QSOX1: variants seen among roughly 807,000 people sequenced by gnomAD.
The protein encoded by QSOX1 is sulfhydryl oxidase 1.
QSOX1 carries 40 observed loss-of-function variants against 76.1 expected under a neutral mutation model. The observed-to-expected ratio is 0.53, with a 90% CI of 0.41 to 0.68. The LOEUF (loss-of-function observed/expected upper bound fraction) is 0.68, where lower values mean the gene tolerates loss of function less well. Ranked by LOEUF, QSOX1 falls within the 30% of genes least tolerant of loss-of-function variation. The pLI is 0.00. For missense variants in QSOX1, 931 were observed against 974.3 expected (o/e 0.96, Z 0.59); for synonymous variants, 392 against 413.1 (o/e 0.95, Z 0.62).
intron 4 of QSOX1, 40 bp from the exon 5 acceptor site, chr1:180,178,754 G>C (rs748832009): frequency 8.0e-5 from 126 of 1,576,548 alleles, no homozygotes; most frequent in Non-Finnish European, 1.0e-4. Flanking sequence ...TCTTATTTCT[G>C]CTGGCTGTGC....
In QSOX1 at chr1:180,194,329, A is replaced by C. The variant is rs1663403967; in HGVS notation, c.1405A>C (p.Ser469Arg). 6.2e-7 allele frequency: 1 copy of C among 1,608,830 alleles called. No homozygotes were observed. Among genetic ancestry groups the C allele is most frequent in the African/African-American group, 1.3e-5 (1 of 74,954 alleles). ...TGCTGCCTCCATGCACCGGGTGGGGAGTCCCAACGCCGCTGTCCTCTGGCT... is the reference window on the plus strand; with the variant it reads ...TGCTGCCTCCATGCACCGGGTGGGGCGTCCCAACGCCGCTGTCCTCTGGCT... ...MAAASMHRVG[S>R]PNAAVLWLWS... The change falls in exon 11 of 12, where the codon AGT becomes CGT. Residue 469 changes from serine (S) to arginine (R), a missense_variant. Coordinates refer to ENST00000367602, the MANE Select transcript of QSOX1 (RefSeq NM_002826.5).
chr1:180,203,698 A>G lies in QSOX1; in HGVS notation c.*6661A>G, dbSNP rs1490516218. ...GGAGTCATTCATGCTAAATGAAACT[A>G]GTTAGGAGTATATTCATATAACAAG... On this transcript the variant is annotated 3_prime_UTR_variant, in exon 12 of 12. Coordinates refer to ENST00000367602, the MANE Select transcript of QSOX1 (RefSeq NM_002826.5). 1 of 152,244 alleles carries G rather than the reference A, an allele frequency of 6.6e-6. No homozygotes were observed. The highest frequency in any genetic ancestry group is 1.5e-5 in the Non-Finnish European group (1 of 68,042). The allele number at this position is 152,244 out of a possible 1,614,324, so 9.4% of individuals were successfully genotyped here.
At chr1:180,191,552 G>A (rs920004490) in intron 10 of QSOX1, among the ~76,000 whole-genome samples, 13 of 152,252 alleles carry the variant, frequency 8.5e-5, no homozygotes, top group African/African-American at 2.4e-4. Context: ...TGCAGGTGCC[G>A]GGGACACAGC....
At position 180,171,895 on chromosome 1, in the gene QSOX1, G is replaced by A. The variant is rs3767186; in HGVS notation, c.367-3426G>A. Among the ~76,000 whole-genome samples the A allele has an allele frequency of 0.022, 3,394 of 152,266 alleles. 189 individuals are homozygous for A. The East Asian group carries it at 0.23, about 10-fold the overall frequency. On this transcript the variant is annotated intron_variant, in intron 2 of 11. Coordinates refer to ENST00000367602, the MANE Select transcript of QSOX1 (RefSeq NM_002826.5). ...GTGGCACGAAAGTTGACAAATGCTC[G>A]CCATGGGAAGACAAAGCAGGCAGTA...
chr1:180,181,462 T>C (rs921251702), intron 5 of QSOX1, among the ~76,000 whole-genome samples: 2 of 152,188 alleles, frequency 1.3e-5, no homozygotes, highest in Non-Finnish European at 2.9e-5. Context: ...CTATACACAT[T>C]GACCAAAGGG....
intron 2 of QSOX1, 26 bp downstream of exon 2, chr1:180,166,617 C>T (rs1399122943): frequency 3.8e-6 from 6 of 1,593,948 alleles, no homozygotes; most frequent in Non-Finnish European, 5.1e-6. Context: ...GAGGGGAAGG[C>T]AGGCTGGGCC....
Position 180,184,050 on chromosome 1 carries a change from G to A in QSOX1, c.887G>A (p.Arg296His). 6.2e-7 allele frequency: 1 copy of A among 1,614,034 alleles called. No individual in the cohort carries two copies. Among genetic ancestry groups the A allele is most frequent in the Non-Finnish European group, 8.5e-7 (1 of 1,179,928 alleles). The change falls in exon 7 of 12, where the codon CGC becomes CAC. Residue 296 changes from arginine to histidine, a missense_variant and splice_region_variant. Physicochemically the swap from Arg to His is conservative, Grantham distance 29. Transcript: ENST00000367602. ...CCCACTGTTTGGAAATTGGCAGATC[G>A]GTAAGGCTACGCCTGGTTCTCCTCA... Reference protein sequence around the residue: ...IAPTVWKLADRSKIYMADLES... With the variant: ...IAPTVWKLADHSKIYMADLES...
At position 180,155,164 on chromosome 1, in the gene QSOX1, A is replaced by G; in HGVS notation, c.257A>G (p.Asp86Gly). 1 of 1,508,088 alleles carries G rather than the reference A, an allele frequency of 6.6e-7. No individual in the cohort carries two copies. The highest frequency in any genetic ancestry group is 1.4e-5 in the African/African-American group (1 of 69,280). The allele number at this position is 1,508,088 out of a possible 1,614,324, so 93.4% of individuals were successfully genotyped here. Residue 86 changes from aspartate to glycine, a missense_variant, in exon 1 of 12, where the codon GAC becomes GGC. Physicochemically the swap from Asp to Gly is moderately conservative, Grantham distance 94. Coordinates refer to ENST00000367602, the MANE Select transcript of QSOX1 (RefSeq NM_002826.5). ...FAPTWKALAE[D>G]VKAWRPALYL... ...CCGACGTGGAAGGCGCTGGCCGAAG[A>G]CGTCAAAGGTGAGAAGCGGGGGCGG... is the stretch of plus-strand genomic sequence containing the variant.
intron 2 of QSOX1, among the ~76,000 whole-genome samples, chr1:180,171,898 A>G (rs1662767540): frequency 6.6e-6 from 1 of 152,230 alleles, no homozygotes; most frequent in South Asian, 2.1e-4. Flanking sequence ...AATGCTCGCC[A>G]TGGGAAGACA....
chr1:180,173,917 C>T (rs529093295), intron 2 of QSOX1, among the ~76,000 whole-genome samples: 4 of 152,176 alleles, frequency 2.6e-5, no homozygotes, highest in Non-Finnish European at 4.4e-5. Context: ...CACAAAGGTT[C>T]GGAGCAGTTG....
intron 1 of QSOX1, among the ~76,000 whole-genome samples, chr1:180,162,699 C>T (rs979495197): frequency 6.6e-6 from 1 of 152,150 alleles, no homozygotes; most frequent in Non-Finnish European, 1.5e-5. Context: ...GATCGCACCA[C>T]TGCACTCCAG....
intron 7 of QSOX1, among the ~76,000 whole-genome samples, chr1:180,184,926 A>G (rs3767178): frequency 0.76 from 115,706 of 152,166 alleles, 44,237 homozygotes; most frequent in Non-Finnish European, 0.78. Flanking sequence ...TTCCGTCATT[A>G]TGAATGATCA....
chr1:180,189,792 C>G (rs3889149), intron 9 of QSOX1, 118 bp downstream of exon 9: 165,684 of 1,178,878 alleles, frequency 0.14, 13,133 homozygotes, highest in South Asian at 0.16. Context: ...CAGTGATCTT[C>G]GTTGGGTCCT....
Position 180,196,153 on chromosome 1 carries a change from C to A in QSOX1, c.1469-109C>A. On this transcript the variant is annotated intron_variant, in intron 11 of 11. Coordinates refer to ENST00000367602, the MANE Select transcript of QSOX1 (RefSeq NM_002826.5). This position sits in a 1 kb window ranked among gnomAD's most constrained non-coding sequence, Gnocchi z 4.1. ...TACCCATCCTCTGGAAGGGCAGTGGCGAGCCCTTTCTGCAGACAAGGAAGC... is the reference window on the plus strand; with the variant it reads ...TACCCATCCTCTGGAAGGGCAGTGGAGAGCCCTTTCTGCAGACAAGGAAGC... 2 of 1,361,116 alleles carry A rather than the reference C, an allele frequency of 1.5e-6. No individual in the cohort carries two copies. The highest frequency in any genetic ancestry group is 1.0e-6 in the Non-Finnish European group (1 of 998,004). 84.3% of individuals were successfully genotyped at this position (1,361,116 alleles called of 1,614,324 possible).
chr1:180,202,043 C>T lies in QSOX1; in HGVS notation c.*5006C>T. 1 of 152,440 alleles carries T rather than the reference C, an allele frequency of 6.6e-6. No individual in the cohort carries two copies. 9.4% of individuals were successfully genotyped at this position (152,440 alleles called of 1,614,324 possible). A position where few individuals can be genotyped will look rare whatever the true frequency, so the allele number is the denominator to read the frequency against. ...GGCCCCATCACTCCAGGTTGCACTG[C>T]TGCCCAGGGGGTTTGTGCCAGGCCT... is the stretch of plus-strand genomic sequence containing the variant. On this transcript the variant is annotated 3_prime_UTR_variant, in exon 12 of 12. Coordinates refer to ENST00000367602, the MANE Select transcript of QSOX1 (RefSeq NM_002826.5).
rs981844144 is a variant in QSOX1, at chr1:180,200,130, G to T, written c.*3093G>T. ...AAGAGAATGGACTCTGGAATCTGAC[G>T]TCTGGGTTTGAATCCAGCTTCCAAC... On this transcript the variant is annotated 3_prime_UTR_variant, in exon 12 of 12. Coordinates refer to ENST00000367602, the MANE Select transcript of QSOX1 (RefSeq NM_002826.5). 6.6e-6 allele frequency: 1 copy of T among 152,218 alleles called. No individual in the cohort carries two copies. Among genetic ancestry groups the T allele is most frequent in the African/African-American group, 2.4e-5 (1 of 41,438 alleles). 9.4% of individuals were successfully genotyped at this position (152,218 alleles called of 1,614,324 possible). A position where few individuals can be genotyped will look rare whatever the true frequency, so the allele number is the denominator to read the frequency against.
intron 8 of QSOX1, among the ~76,000 whole-genome samples, chr1:180,186,705 G>A (rs1663183024): frequency 6.6e-6 from 1 of 152,248 alleles, no homozygotes; most frequent in Non-Finnish European, 1.5e-5. Flanking sequence ...CCTATTTATT[G>A]AGGACTTGAT....
At chr1:180,175,405 TC>T (rs1662864696) in intron 3 of QSOX1, 39 bp downstream of exon 3, 1 of 1,592,106 alleles carries the variant, frequency 6.3e-7, no homozygotes, top group African/African-American at 1.3e-5. Context: ...AGCATCTTCC[TC>T]CCCCAACCTC....
intron 1 of QSOX1, among the ~76,000 whole-genome samples, chr1:180,156,580 G>A (rs1452061917): frequency 1.3e-5 from 2 of 152,184 alleles, no homozygotes; most frequent in East Asian, 3.8e-4. Context: ...GGAACCATGT[G>A]TACATCTTTT....
Sources: gnomAD v4.1 joint callset for allele counts (sites outside exome capture counted in the v4.1 genomes callset) on GRCh38, gnomAD v4.1.1 for gene constraint, Gnocchi (gnomAD v3.1) non-coding constraint, MANE v1.5 for transcripts, NCBI Gene and HGNC (gene_info 2026-07-23, HGNC 2026-07-21) for gene names.